SPATA16: variants seen among roughly 807,000 people sequenced by gnomAD.
The protein encoded by SPATA16 is spermatogenesis-associated protein 16.
A neutral mutation model predicts 63.3 loss-of-function variants in SPATA16; 36 were observed. That is an observed-to-expected ratio of 0.57 (90% CI 0.44 to 0.75). The LOEUF (loss-of-function observed/expected upper bound fraction) is 0.75. SPATA16 is among the 30% of genes least tolerant of loss of function. The probability of loss-of-function intolerance (pLI) is 0.00; values close to 1 mark genes in which losing one functional copy is unlikely to be tolerated. For missense variants in SPATA16, 646 were observed against 679.3 expected (o/e 0.95, Z 0.54); for synonymous variants, 203 against 216.7 (o/e 0.94, Z 0.56).
chr3:172,952,243 T>C (rs897594704), intron 6 of SPATA16, among the ~76,000 whole-genome samples: 6 of 152,184 alleles, frequency 3.9e-5, no homozygotes, highest in African/African-American at 1.4e-4. Context: ...AAGAACTTGT[T>C]GTATACACTG....
At chr3:172,961,000 CTCTT>C (rs200434938) in intron 5 of SPATA16, among the ~76,000 whole-genome samples, 2,320 of 119,076 alleles carry the variant, frequency 0.019, 99 homozygotes, top group African/African-American at 0.067. Context: ...TTTTTTCTTT[CTCTT>C]TCTTTCTTTC....
At chr3:172,908,681 G>C (rs1403289600) in intron 10 of SPATA16, among the ~76,000 whole-genome samples, 1 of 152,104 alleles carries the variant, frequency 6.6e-6, no homozygotes, top group Middle Eastern at 3.2e-3. Context: ...TGTGGAACTA[G>C]GAGGTTCTGC....
rs758336063 is a variant in SPATA16, at chr3:172,916,411, C to G, written c.1409G>C (p.Arg470Thr). Residue 470 changes from arginine (R) to threonine (T), a missense_variant, in exon 9 of 11, where the codon AGA (arginine) becomes ACA (threonine). By Grantham distance (71) the Arg-to-Thr change is moderately conservative. Transcript: ENST00000351008. ...QYASLLSQLQ[R>T]VKEQSQVINQ... ...AATCACCTGGGACTGCTCCTTTACT[C>G]TCTGCAGCTGGCTGAGGAGGCTGGC... 2.4e-5 allele frequency: 38 copies of G among 1,613,756 alleles called. No individual in the cohort carries two copies. The highest frequency in any genetic ancestry group is 3.0e-5 in the Non-Finnish European group (35 of 1,179,838).
chr3:173,125,345 C>T (rs1218165586), intron 1 of SPATA16, among the ~76,000 whole-genome samples: 1 of 152,216 alleles, frequency 6.6e-6, no homozygotes, highest in African/African-American at 2.4e-5. Flanking sequence ...AGGTGCTCCT[C>T]ACACAGCAAC....
chr3:173,138,881 T>G (rs1236608799), intron 1 of SPATA16, among the ~76,000 whole-genome samples: 1 of 152,226 alleles, frequency 6.6e-6, no homozygotes, highest in Non-Finnish European at 1.5e-5. Context: ...TCAGAATAGA[T>G]GTACATAGGT....
chr3:173,071,047 C>T (rs1736663561), intron 2 of SPATA16, among the ~76,000 whole-genome samples: 1 of 152,092 alleles, frequency 6.6e-6, no homozygotes, highest in South Asian at 2.1e-4. Flanking sequence ...CGCCATATTG[C>T]CTGCCTTCAA....
At chr3:172,927,383 T>C (rs1732763387) in intron 6 of SPATA16, among the ~76,000 whole-genome samples, 1 of 152,208 alleles carries the variant, frequency 6.6e-6, no homozygotes, top group Non-Finnish European at 1.5e-5. Flanking sequence ...ATTATTGAAA[T>C]AATTAAAATA....
chr3:173,066,213 G>GC (rs1482709026), intron 2 of SPATA16, among the ~76,000 whole-genome samples: 1 of 152,202 alleles, frequency 6.6e-6, no homozygotes, highest in African/African-American at 2.4e-5. Flanking sequence ...TGCACCCTGG[G>GC]CCAGAAGGGG....
At chr3:173,060,780 T>G (rs1184726685) in intron 2 of SPATA16, among the ~76,000 whole-genome samples, 1 of 152,222 alleles carries the variant, frequency 6.6e-6, no homozygotes, top group Non-Finnish European at 1.5e-5. Flanking sequence ...ACTCACTACT[T>G]TTTAAATCTT....
chr3:172,989,057 C>G (rs990396645), intron 4 of SPATA16, among the ~76,000 whole-genome samples: 1 of 152,196 alleles, frequency 6.6e-6, no homozygotes, highest in African/African-American at 2.4e-5. Context: ...TTCTAGACCC[C>G]TTTGGATAGT....
chr3:172,952,037 C>T (rs1247784373), intron 6 of SPATA16, among the ~76,000 whole-genome samples: 1 of 152,114 alleles, frequency 6.6e-6, no homozygotes, highest in East Asian at 1.9e-4. Flanking sequence ...TATTTTATCT[C>T]TTGGAGCATC....
chr3:173,081,952 C>T (rs1286459285), intron 2 of SPATA16, among the ~76,000 whole-genome samples: 3 of 152,152 alleles, frequency 2.0e-5, no homozygotes, highest in Non-Finnish European at 2.9e-5. Context: ...TGAATTTCAT[C>T]GAATGCATTT....
intron 6 of SPATA16, among the ~76,000 whole-genome samples, chr3:172,927,884 G>C (rs1485798586): frequency 6.6e-6 from 1 of 152,012 alleles, no homozygotes; most frequent in Non-Finnish European, 1.5e-5. Context: ...CATACAGATT[G>C]CAAGTATTAG....
At chr3:172,967,742 C>T (rs1459363940) in intron 5 of SPATA16, among the ~76,000 whole-genome samples, 2 of 152,220 alleles carry the variant, frequency 1.3e-5, no homozygotes, top group Non-Finnish European at 2.9e-5. Flanking sequence ...CTATTGTGAA[C>T]TCCTCAGGCG....
chr3:173,006,047 A>C (rs1489896025), intron 4 of SPATA16, among the ~76,000 whole-genome samples: 2 of 152,182 alleles, frequency 1.3e-5, no homozygotes, highest in Non-Finnish European at 2.9e-5. Context: ...CAAATATAAG[A>C]CTTCTACTAC....
intron 8 of SPATA16, among the ~76,000 whole-genome samples, chr3:172,919,773 G>C (rs1030903187): frequency 4.6e-5 from 7 of 151,754 alleles, no homozygotes; most frequent in Non-Finnish European, 1.0e-4. Context: ...TGCCTCCCAG[G>C]TTCAAGCAAT....
intron 2 of SPATA16, among the ~76,000 whole-genome samples, chr3:173,090,213 T>C (rs1403277376): frequency 2.0e-5 from 3 of 152,122 alleles, no homozygotes; most frequent in Non-Finnish European, 4.4e-5. Context: ...CTCATGATAG[T>C]GAGTGGCTTG....
At chr3:172,992,495 C>A (rs1734600294) in intron 4 of SPATA16, among the ~76,000 whole-genome samples, 1 of 151,808 alleles carries the variant, frequency 6.6e-6, no homozygotes, top group African/African-American at 2.4e-5. Flanking sequence ...AAGCACATCC[C>A]TTAAAGGAAG....
intron 10 of SPATA16, among the ~76,000 whole-genome samples, chr3:172,910,718 C>T (rs1200068147): frequency 1.8e-4 from 27 of 152,166 alleles, no homozygotes; most frequent in Admixed American, 1.8e-3. Flanking sequence ...CTGTCATGGG[C>T]TTCTCCGCCT....
Sources: allele counts gnomAD v4.1 joint callset (sites outside exome capture counted in the v4.1 genomes callset), GRCh38; gene constraint gnomAD v4.1.1; transcripts MANE v1.5; gene names NCBI Gene and HGNC (gene_info 2026-07-23, HGNC 2026-07-21).